DPP6: variants seen among roughly 807,000 people sequenced by gnomAD.
The protein encoded by DPP6 is dipeptidyl peptidase like 6.
DPP6 carries 69 observed loss-of-function variants against 122.6 expected under a neutral mutation model. The observed-to-expected ratio is 0.56, with a 90% CI of 0.46 to 0.69. The LOEUF (loss-of-function observed/expected upper bound fraction) is 0.69. Among genes scored for constraint, DPP6 ranks in the 30% least tolerant of loss-of-function variants. The pLI is 0.00. For missense variants in DPP6, 928 were observed against 1,116.9 expected (o/e 0.83, Z 2.41); for synonymous variants, 418 against 433.1 (o/e 0.97, Z 0.43).
chr7:154,471,158 G>A (rs2151338107), intron 2 of DPP6, among the ~76,000 whole-genome samples: 1 of 152,280 alleles, frequency 6.6e-6, no homozygotes, highest in South Asian at 2.1e-4. Flanking sequence ...GGCTGAGGCA[G>A]GAGAATCGTT....
chr7:154,381,505 A>G (rs1813604094), intron 1 of DPP6, among the ~76,000 whole-genome samples: 1 of 152,280 alleles, frequency 6.6e-6, no homozygotes, highest in South Asian at 2.1e-4. Context: ...ATGTGTGTAT[A>G]CACATCTATA....
intron 1 of DPP6, among the ~76,000 whole-genome samples, chr7:154,222,571 A>G (rs577704475): frequency 6.7e-6 from 1 of 148,802 alleles, no homozygotes; most frequent in African/African-American, 2.6e-5. Flanking sequence ...AGGAGAATCA[A>G]TTGAACCCGG....
chr7:154,682,718 T>C (rs981158046), intron 7 of DPP6, among the ~76,000 whole-genome samples: 2 of 152,246 alleles, frequency 1.3e-5, no homozygotes, highest in African/African-American at 4.8e-5. Context: ...CAGAATTTTG[T>C]TAGCCCTGAT....
At chr7:154,153,655 G>A (rs10249268) in intron 1 of DPP6, among the ~76,000 whole-genome samples, 18,195 of 131,302 alleles carry the variant, frequency 0.14, no homozygotes, top group African/African-American at 0.34. Context: ...CCCAGAGCAG[G>A]GGTCAGCAAA....
At position 154,624,835 on chromosome 7, in the gene DPP6, G is replaced by A. The variant is rs1046663010; in HGVS notation, c.628-12986G>A. 1.6e-4 allele frequency among the ~76,000 whole-genome samples: 24 copies of A among 152,168 alleles called. No individual in the cohort carries two copies. The highest frequency in any genetic ancestry group is 2.9e-5 in the Non-Finnish European group (2 of 68,030). On this transcript the variant is annotated intron_variant, in intron 5 of 25. Coordinates refer to ENST00000377770, the MANE Select transcript of DPP6 (RefSeq NM_130797.4). This position sits in a 1 kb window ranked among gnomAD's most constrained non-coding sequence, Gnocchi z 4.7. ...AGAAACACTGGCTATGCTAACAGAA[G>A]CAGGCACACAGCGGCCCCGTCTTCC...
chr7:153,918,380 TAGTC>T (rs929275043), intron 1 of DPP6, among the ~76,000 whole-genome samples: 1 of 151,678 alleles, frequency 6.6e-6, no homozygotes, highest in Non-Finnish European at 1.5e-5. Context: ...TTGAATACGT[TAGTC>T]AGTTTGACTA....
At chr7:153,967,660 C>T (rs960978304) in intron 1 of DPP6, among the ~76,000 whole-genome samples, 1 of 152,056 alleles carries the variant, frequency 6.6e-6, no homozygotes, top group African/African-American at 2.4e-5. Context: ...TTTCCTTTTG[C>T]GAGCTTGAGA....
chr7:153,793,391 C>G, the DPP6 span, among the ~76,000 whole-genome samples: 1 of 126,538 alleles, frequency 7.9e-6, no homozygotes, highest in African/African-American at 2.9e-5. Context: ...GCATTTTGCC[C>G]CTGCCCTAGG....
intron 4 of DPP6, among the ~76,000 whole-genome samples, chr7:154,561,557 A>G (rs1024353181): frequency 6.6e-6 from 1 of 152,224 alleles, no homozygotes; most frequent in Admixed American, 6.5e-5. Flanking sequence ...CAATAATATC[A>G]AAATTTACGG....
At chr7:153,844,100 T>C in the DPP6 span, among the ~76,000 whole-genome samples, 2 of 152,172 alleles carry the variant, frequency 1.3e-5, no homozygotes, top group African/African-American at 4.8e-5. Flanking sequence ...TGACTGCACG[T>C]CTGTTCATAG....
intron 3 of DPP6, among the ~76,000 whole-genome samples, chr7:154,536,641 C>G (rs1174896712): frequency 6.6e-6 from 1 of 152,092 alleles, no homozygotes; most frequent in East Asian, 1.9e-4. Context: ...ACACCAAACC[C>G]TTCGTGAAGG....
intron 3 of DPP6, among the ~76,000 whole-genome samples, chr7:154,529,093 G>C (rs550780621): frequency 5.3e-5 from 8 of 152,164 alleles, no homozygotes; most frequent in Non-Finnish European, 1.0e-4. Flanking sequence ...TAAGGAGAGC[G>C]ACCCATTAGG....
At chr7:153,969,631 T>A (rs1458790990) in intron 1 of DPP6, among the ~76,000 whole-genome samples, 1 of 148,898 alleles carries the variant, frequency 6.7e-6, no homozygotes, top group Non-Finnish European at 1.5e-5. Flanking sequence ...AAGTTCATAT[T>A]CTACTGCTCT....
chr7:154,310,663 C>G (rs541430256), intron 1 of DPP6, among the ~76,000 whole-genome samples: 23 of 152,150 alleles, frequency 1.5e-4, no homozygotes, highest in Non-Finnish European at 3.2e-4. Flanking sequence ...TCAAATGCTC[C>G]ATGGAGAACA....
intron 5 of DPP6, among the ~76,000 whole-genome samples, chr7:154,620,094 C>A (rs913448563): frequency 6.6e-6 from 1 of 152,176 alleles, no homozygotes; most frequent in African/African-American, 2.4e-5. Flanking sequence ...GAGGACCACG[C>A]CTTGAAAGCT....
intron 5 of DPP6, among the ~76,000 whole-genome samples, chr7:154,581,185 A>G (rs957878528): frequency 5.3e-5 from 8 of 152,212 alleles, no homozygotes; most frequent in Non-Finnish European, 8.8e-5. Flanking sequence ...AGAAAAGAGC[A>G]TGACAAAGAG....
chr7:154,412,682 C>T (rs286849), intron 1 of DPP6, among the ~76,000 whole-genome samples: 138,910 of 151,462 alleles, frequency 0.92, 63,937 homozygotes, highest in East Asian at 1. Flanking sequence ...CTTTTTTTTT[C>T]AACTTTAGAA....
intron 3 of DPP6, among the ~76,000 whole-genome samples, chr7:154,493,922 C>T (rs929616257): frequency 1.4e-4 from 21 of 152,102 alleles, no homozygotes; most frequent in African/African-American, 4.3e-4. Flanking sequence ...ATGGAGTTGC[C>T]AGACTTCTCC....
intron 1 of DPP6, among the ~76,000 whole-genome samples, chr7:153,987,133 A>C (rs968106112): frequency 2.6e-5 from 4 of 152,240 alleles, no homozygotes; most frequent in Non-Finnish European, 5.9e-5. Context: ...CCAAGATGTA[A>C]GATTTTACAC....
Sources: gnomAD v4.1 joint callset for allele counts (sites outside exome capture counted in the v4.1 genomes callset) on GRCh38, gnomAD v4.1.1 for gene constraint, Gnocchi (gnomAD v3.1) non-coding constraint, MANE v1.5 for transcripts, NCBI Gene and HGNC (gene_info 2026-07-23, HGNC 2026-07-21) for gene names.